The following DSTYK variants were observed in gnomAD, a reference collection of about 807,000 sequenced individuals.
DSTYK encodes the protein dual serine/threonine and tyrosine protein kinase, also known as RIP-homologous kinase.
In DSTYK, 34 loss-of-function variants were observed where a neutral mutation model predicts 98.7. That is an observed-to-expected ratio of 0.34 (90% CI 0.26 to 0.46). The LOEUF (loss-of-function observed/expected upper bound fraction) is 0.46, where lower values mean the gene tolerates loss of function less well. Among genes scored for constraint, DSTYK ranks in the 20% least tolerant of loss-of-function variants. The pLI is 1.00. For synonymous variants in DSTYK, 462 were observed against 457.3 expected (o/e 1.01, Z -0.13); for missense variants, 962 against 1,181.7 (o/e 0.81, Z 2.73).
chr1:205,151,438 T>C (rs1215242866), intron 10 of DSTYK, among the ~76,000 whole-genome samples: 1 of 152,190 alleles, frequency 6.6e-6, no homozygotes, highest in African/African-American at 2.4e-5. Flanking sequence ...ACAACACACA[T>C]TGTATAGCTG....
At position 205,150,992 on chromosome 1, in the gene DSTYK, A is replaced by T. The variant is rs1467644451; in HGVS notation, c.2353-198T>A. 2.0e-5 allele frequency among the ~76,000 whole-genome samples: 3 copies of T among 152,228 alleles called. No individual in the cohort carries two copies. The highest frequency in any genetic ancestry group is 4.4e-5 in the Non-Finnish European group (3 of 68,032). On this transcript the variant is annotated intron_variant, in intron 10 of 12. Transcript: ENST00000367162. The surrounding 1 kb of genome is among the most constrained non-coding windows in gnomAD (Gnocchi z 4.1). The stretch of plus-strand genomic sequence containing the variant: ...CCAACCCAGATGGTATACCTGCTAC[A>T]CACCTAGTATGGTCTTTTGCTACTA...
At chr1:205,167,919 T>G (rs968637195) in intron 3 of DSTYK, among the ~76,000 whole-genome samples, 5 of 151,972 alleles carry the variant, frequency 3.3e-5, no homozygotes, top group Admixed American at 3.3e-4. Flanking sequence ...CTGGCCAACA[T>G]GATGAAACCC....
chr1:205,151,466 T>TTTGTTGTTG (rs142504789), intron 10 of DSTYK, among the ~76,000 whole-genome samples: 1 of 152,000 alleles, frequency 6.6e-6, no homozygotes, highest in African/African-American at 2.4e-5. Flanking sequence ...ATAGTGGCTT[T>TTTGTTGTTG]TTGTTGTTGT....
chr1:205,145,264 A>G lies in DSTYK; in HGVS notation c.*2294T>C, dbSNP rs987193775. On this transcript the variant is annotated 3_prime_UTR_variant, in exon 13 of 13. Transcript: ENST00000367162. ...GCTAAAGCCTGCAGAGCCCAAAGAC[A>G]CTGAGTCAGTTACTTTATCATTTGC... 6 of 152,158 alleles carry G rather than the reference A, an allele frequency of 3.9e-5. No individual in the cohort carries two copies. The highest frequency in any genetic ancestry group is 1.4e-4 in the African/African-American group (6 of 41,452). 9.4% of individuals were successfully genotyped at this position (152,158 alleles called of 1,614,324 possible).
At chr1:205,149,056 C>A (rs1462942238) in intron 11 of DSTYK, among the ~76,000 whole-genome samples, 2 of 151,968 alleles carry the variant, frequency 1.3e-5, no homozygotes, top group Non-Finnish European at 2.9e-5. Flanking sequence ...GCATGTGCCA[C>A]CACGCCCGGC....
At chr1:205,183,256 T>C (rs1658471407) in intron 2 of DSTYK, among the ~76,000 whole-genome samples, 1 of 152,132 alleles carries the variant, frequency 6.6e-6, no homozygotes, top group African/African-American at 2.4e-5. Flanking sequence ...AAGACACAAC[T>C]AGTGAATATG....
In DSTYK at chr1:205,200,537, C is replaced by G. The variant is rs188682234; in HGVS notation, c.265+10734G>C. 5.9e-5 allele frequency among the ~76,000 whole-genome samples: 9 copies of G among 152,322 alleles called. No homozygotes were observed. The South Asian group carries it at 1.4e-3, about 25-fold the overall frequency. ...TTTTCCATATGCCCTACACTCCTAC[C>G]CACTCAAAGACAACTAATGATTAAG... On this transcript the variant is annotated intron_variant, in intron 1 of 12. Coordinates refer to ENST00000367162, the MANE Select transcript of DSTYK (RefSeq NM_015375.3).
chr1:205,187,511 G>A lies in DSTYK; in HGVS notation c.561C>T (p.Ile187=). 1.2e-6 allele frequency: 2 copies of A among 1,614,162 alleles called. No individual in the cohort carries two copies. The highest frequency in any genetic ancestry group is 2.2e-5 in the East Asian group (1 of 44,880). ...LVAHQGNWET[I]PEEDLEVQEN... The stretch of plus-strand genomic sequence containing the variant: ...CTTGGACCTCCAGATCCTCCTCAGG[G>A]ATGGTCTCCCAGTTGCCCTGATGAG... Residue 187 remains isoleucine, a synonymous_variant, in exon 2 of 13, where the codon ATC becomes ATT. Coordinates refer to ENST00000367162, the MANE Select transcript of DSTYK (RefSeq NM_015375.3).
rs761213465 is a variant in DSTYK at position 205,211,490 on chromosome 1, G to A, written c.46C>T (p.Pro16Ser). The change falls in exon 1 of 13, where the codon CCC becomes TCC. Residue 16 changes from proline to serine, a missense_variant. Coordinates refer to ENST00000367162, the MANE Select transcript of DSTYK (RefSeq NM_015375.3). The stretch of plus-strand genomic sequence containing the variant: ...ATCATTCCGCCGCCGCCGGGGCCGG[G>A]ACCCGAGACGGGCTCGCTGCCCCAT... ...VPWGSEPVSG[P>S]GPGGGGMIRE... 1.5e-5 allele frequency: 23 copies of A among 1,580,496 alleles called. No homozygotes were observed. Among genetic ancestry groups the A allele is most frequent in the Middle Eastern group, 1.7e-4 (1 of 5,896 alleles).
intron 1 of DSTYK, among the ~76,000 whole-genome samples, chr1:205,199,542 G>T (rs1658964658): frequency 6.6e-6 from 1 of 152,126 alleles, no homozygotes; most frequent in Admixed American, 6.5e-5. Context: ...CAAGTTCCAG[G>T]TTCCATAGGA....
intron 1 of DSTYK, among the ~76,000 whole-genome samples, chr1:205,203,919 C>A (rs1020547841): frequency 6.6e-6 from 1 of 151,774 alleles, no homozygotes; most frequent in Admixed American, 6.6e-5. Context: ...TGTCTCAAAA[C>A]AACAACAACA....
intron 1 of DSTYK, among the ~76,000 whole-genome samples, chr1:205,200,799 G>C (rs567680888): frequency 6.6e-6 from 1 of 152,294 alleles, no homozygotes; most frequent in Admixed American, 6.5e-5. Flanking sequence ...GGTATTGCAT[G>C]CAAGTCATTC....
chr1:205,204,455 T>TACAC (rs56294352), intron 1 of DSTYK, among the ~76,000 whole-genome samples: 4,896 of 148,644 alleles, frequency 0.033, 120 homozygotes, highest in Admixed American at 0.068. Context: ...ATGCTCACCA[T>TACAC]ACACACACAC....
At chr1:205,198,405 A>G (rs929196476) in intron 1 of DSTYK, among the ~76,000 whole-genome samples, 17 of 152,196 alleles carry the variant, frequency 1.1e-4, no homozygotes, top group African/African-American at 3.6e-4. Context: ...CCAGAAGAGC[A>G]TGTCAGTTGT....
intron 1 of DSTYK, among the ~76,000 whole-genome samples, chr1:205,209,067 T>C (rs1469191450): frequency 6.6e-6 from 1 of 152,228 alleles, no homozygotes; most frequent in Admixed American, 6.5e-5. Flanking sequence ...GATCAGTTCA[T>C]GATGCAGTCA....
chr1:205,202,795 AAAG>A (rs1225927614), intron 1 of DSTYK: 8 of 577,904 alleles, frequency 1.4e-5, no homozygotes, highest in African/African-American at 1.3e-4. Context: ...AAAGGAAAGA[AAAG>A]AAAGTAAATA....
At position 205,145,545 on chromosome 1, in the gene DSTYK, TTGAGA is replaced by T. The variant is rs1657204381; in HGVS notation, c.*2008_*2012del. 1 of 150,770 alleles carries T rather than the reference TTGAGA, an allele frequency of 6.6e-6. No homozygotes were observed. Among genetic ancestry groups the T allele is most frequent in the African/African-American group, 2.4e-5 (1 of 41,196 alleles). The allele number at this position is 150,770 out of a possible 1,614,324, so 9.3% of individuals were successfully genotyped here. On this transcript the variant is annotated 3_prime_UTR_variant, in exon 13 of 13. Transcript: ENST00000367162. ...TTTTTGTTTTTTTTTTTGTTTTTTT[TTGAGA>T]TAGAGTCTCGCTCTGTTGCCCAGGC...
Position 205,211,599 on chromosome 1 carries a change from C to T in DSTYK, c.-64G>A, listed in dbSNP as rs562593716. 1,425 of 1,408,442 alleles carry T rather than the reference C, an allele frequency of 1.0e-3. No individual in the cohort carries two copies. Among genetic ancestry groups the T allele is most frequent in the Non-Finnish European group, 1.2e-3 (1,340 of 1,089,482 alleles). The allele number at this position is 1,408,442 out of a possible 1,614,324, so 87.2% of individuals were successfully genotyped here. On this transcript the variant is annotated 5_prime_UTR_variant, in exon 1 of 13. Transcript: ENST00000367162. ...CCGCAGGCCCGGCCTCCCTCCTCCCCGCCCCCCAGTGCCGAAGGGAGGAGG... is the reference window on the plus strand; with the variant it reads ...CCGCAGGCCCGGCCTCCCTCCTCCCTGCCCCCCAGTGCCGAAGGGAGGAGG...
chr1:205,179,536 G>A (rs1239101684), intron 2 of DSTYK, among the ~76,000 whole-genome samples: 14 of 151,348 alleles, frequency 9.3e-5, no homozygotes, highest in African/African-American at 3.2e-4. Flanking sequence ...CAGGAGAATG[G>A]TGTGAACCCG....
Sources: gnomAD v4.1 joint callset for allele counts (sites outside exome capture counted in the v4.1 genomes callset) on GRCh38, gnomAD v4.1.1 for gene constraint, Gnocchi (gnomAD v3.1) non-coding constraint, MANE v1.5 for transcripts, NCBI Gene and HGNC (gene_info 2026-07-23, HGNC 2026-07-21) for gene names.